The following PKIB variants were observed in gnomAD, a reference collection of about 807,000 sequenced individuals.
PKIB encodes PKI-beta.
In PKIB, 2 loss-of-function variants were observed where a neutral mutation model predicts 4.5. The observed-to-expected ratio is 0.44, with a 90% CI of 0.18 to 1.39. The LOEUF is 1.39. PKIB is among the 40% of genes most tolerant of loss of function. The pLI, the probability that PKIB is intolerant of heterozygous loss-of-function variation, is 0.27. For missense variants in PKIB, 94 were observed against 92.6 expected (o/e 1.02, Z -0.06); for synonymous variants, 38 against 36.0 (o/e 1.06, Z -0.20).
chr6:122,650,787 G>C (rs1256490719), intron 2 of PKIB, among the ~76,000 whole-genome samples: 1 of 152,086 alleles, frequency 6.6e-6, no homozygotes, highest in Non-Finnish European at 1.5e-5. Flanking sequence ...ACTCTCCTGG[G>C]GTATGTGAGC....
intron 2 of PKIB, among the ~76,000 whole-genome samples, chr6:122,533,193 A>G (rs1777310585): frequency 6.6e-6 from 1 of 151,586 alleles, no homozygotes. Context: ...TTTATGAGAA[A>G]GAGTCTTGGT....
intron 1 of PKIB, among the ~76,000 whole-genome samples, chr6:122,629,892 C>A (rs115511347): frequency 6.6e-6 from 1 of 152,062 alleles, no homozygotes; most frequent in African/African-American, 2.4e-5. Flanking sequence ...ACACGTAATG[C>A]GGTATCCTAA....
chr6:122,717,438 G>T (rs1197781243), intron 3 of PKIB: 13 of 319,834 alleles, frequency 4.1e-5, no homozygotes, highest in African/African-American at 2.3e-4. Context: ...TACAGGAGTG[G>T]TCAAAAAAGT....
chr6:122,708,375 C>T (rs1582833484), intron 3 of PKIB, among the ~76,000 whole-genome samples: 1 of 152,054 alleles, frequency 6.6e-6, no homozygotes, highest in Non-Finnish European at 1.5e-5. Flanking sequence ...ATGAAGAAAT[C>T]AAGAATTTCA....
chr6:122,612,833 A>G (rs945988780), intron 1 of PKIB, among the ~76,000 whole-genome samples: 12 of 152,174 alleles, frequency 7.9e-5, no homozygotes, highest in Non-Finnish European at 1.5e-4. Flanking sequence ...AGGTTGTATG[A>G]CAAACTTGTG....
At chr6:122,642,086 G>C (rs1013700966) in intron 2 of PKIB, among the ~76,000 whole-genome samples, 1 of 152,160 alleles carries the variant, frequency 6.6e-6, no homozygotes, top group African/African-American at 2.4e-5. Flanking sequence ...TGAACTGTAC[G>C]GAAATACATA....
At chr6:122,642,830 C>T (rs1776172780) in intron 2 of PKIB, among the ~76,000 whole-genome samples, 1 of 152,124 alleles carries the variant, frequency 6.6e-6, no homozygotes, top group Non-Finnish European at 1.5e-5. Flanking sequence ...TTTCCTTTAC[C>T]TAGGCTTGGT....
At chr6:122,669,587 C>T (rs1367020241) in intron 2 of PKIB, among the ~76,000 whole-genome samples, 1 of 152,118 alleles carries the variant, frequency 6.6e-6, no homozygotes. Context: ...ACATTTTCAT[C>T]TGTATATACT....
upstream of PKIB, among the ~76,000 whole-genome samples, chr6:122,609,384 G>T (rs1246829351): frequency 6.6e-6 from 1 of 152,224 alleles, no homozygotes; most frequent in Admixed American, 6.5e-5. Context: ...TTACTATATT[G>T]TGGAGGTATG....
chr6:122,498,711 A>G (rs1776144223), intron 2 of PKIB, among the ~76,000 whole-genome samples: 1 of 152,238 alleles, frequency 6.6e-6, no homozygotes, highest in Non-Finnish European at 1.5e-5. Flanking sequence ...AGAAATAACT[A>G]AAATCAGAGG....
chr6:122,577,041 C>A (rs559190700), intron 2 of PKIB, among the ~76,000 whole-genome samples: 1 of 152,020 alleles, frequency 6.6e-6, no homozygotes, highest in Non-Finnish European at 1.5e-5. Flanking sequence ...TCAGGGACTG[C>A]GCCATACATG....
intron 3 of PKIB, among the ~76,000 whole-genome samples, chr6:122,687,862 AG>A (rs1320384020): frequency 6.6e-6 from 1 of 152,078 alleles, no homozygotes; most frequent in African/African-American, 2.4e-5. Context: ...TGGAGTCTTT[AG>A]ATTTTTCTAA....
chr6:122,612,701 A>C (rs1174837837), intron 1 of PKIB, among the ~76,000 whole-genome samples: 1 of 151,994 alleles, frequency 6.6e-6, no homozygotes. Flanking sequence ...TAGTGGATGG[A>C]TATTTGGGTT....
Position 122,725,115 on chromosome 6 carries a change from A to G in PKIB, c.170-13A>G, listed in dbSNP as rs1216457049. ...CAATATATTCCACATATGAATGGAA[A>G]TTTTTTTTTCAGATGCAAAAGAGAA... On this transcript the variant is annotated splice_polypyrimidine_tract_variant and intron_variant, in intron 4 of 4. Transcript: ENST00000368452. The G allele has an allele frequency of 1.3e-6, 2 of 1,576,378 alleles. No individual in the cohort carries two copies. Among genetic ancestry groups the G allele is most frequent in the African/African-American group, 2.7e-5 (2 of 73,534 alleles).
chr6:122,576,640 G>A (rs1164339769), intron 2 of PKIB, among the ~76,000 whole-genome samples: 1 of 118,998 alleles, frequency 8.4e-6, no homozygotes, highest in African/African-American at 3.3e-5. Context: ...CTACACTCCA[G>A]CCTGAGCGAC....
At chr6:122,501,470 T>A (rs1030168478) in intron 2 of PKIB, among the ~76,000 whole-genome samples, 1 of 152,194 alleles carries the variant, frequency 6.6e-6, no homozygotes, top group East Asian at 1.9e-4. Context: ...AAACCTCAAC[T>A]CTTTCCTTCT....
intron 2 of PKIB, among the ~76,000 whole-genome samples, chr6:122,647,455 T>C (rs1001189648): frequency 6.6e-6 from 1 of 152,176 alleles, no homozygotes; most frequent in African/African-American, 2.4e-5. Flanking sequence ...TCATGCACAT[T>C]TCCTGAAACC....
intron 2 of PKIB, among the ~76,000 whole-genome samples, chr6:122,530,146 A>G (rs891444083): frequency 2.0e-5 from 3 of 151,898 alleles, no homozygotes; most frequent in Middle Eastern, 3.2e-3. Context: ...CTCTGATTCA[A>G]TCATCTCAAC....
Position 122,719,709 on chromosome 6 carries a change from CCACACATACACACACACACACA to C in PKIB, c.169+1753_169+1774del, listed in dbSNP as rs1216968322. 3.0e-3 allele frequency among the ~76,000 whole-genome samples: 412 copies of C among 137,900 alleles called. 2 individuals carry two copies. The highest frequency in any genetic ancestry group is 3.6e-3 in the Non-Finnish European group (232 of 65,176). The allele number at this position is 137,900 out of a possible 152,430, so 90.5% of individuals were successfully genotyped here. ...AGTGAGTAGATTGTGAGTGTTCCCA[CCACACATACACACACACACACA>C]CACACACACACACACACACACACAC... On this transcript the variant is annotated intron_variant, in intron 4 of 4. Coordinates refer to ENST00000368452, the MANE Select transcript of PKIB (RefSeq NM_181795.3).
Sources: gnomAD v4.1 joint callset for allele counts (sites outside exome capture counted in the v4.1 genomes callset) on GRCh38, gnomAD v4.1.1 for gene constraint, MANE v1.5 for transcripts, NCBI Gene and HGNC (gene_info 2026-07-23, HGNC 2026-07-21) for gene names.